Variants in RALGAPA1 observed in about 807,000 individuals in gnomAD.
The protein encoded by RALGAPA1 is ral GTPase-activating protein subunit alpha-1.
A neutral mutation model predicts 269.6 loss-of-function variants in RALGAPA1; 52 were observed. The ratio of observed to expected loss-of-function variants is 0.19; its 90% CI spans 0.15 to 0.24. The LOEUF (loss-of-function observed/expected upper bound fraction) is 0.24. Ranked by LOEUF, RALGAPA1 falls within the 10% of genes least tolerant of loss-of-function variation. RALGAPA1 has a pLI of 1.00. For synonymous variants in RALGAPA1, 817 were observed against 1,008.3 expected (o/e 0.81, Z 3.60); for missense variants, 1,917 against 3,013.9 (o/e 0.64, Z 8.52).
At chr14:35,751,684 G>A (rs1468529432) in intron 8 of RALGAPA1, among the ~76,000 whole-genome samples, 1 of 151,856 alleles carries the variant, frequency 6.6e-6, no homozygotes, top group Non-Finnish European at 1.5e-5. Context: ...GGGAGGCTGA[G>A]ATGGGAGGAC....
chr14:35,549,965 T>C (rs2054826171), intron 39 of RALGAPA1, among the ~76,000 whole-genome samples: 1 of 152,198 alleles, frequency 6.6e-6, no homozygotes, highest in South Asian at 2.1e-4. Flanking sequence ...GCACTGACAC[T>C]GACAGAAAAA....
intron 31 of RALGAPA1, among the ~76,000 whole-genome samples, chr14:35,641,292 G>A (rs770684770): frequency 1.3e-5 from 2 of 152,162 alleles, no homozygotes; most frequent in African/African-American, 4.8e-5. Context: ...TGGAAAGGAA[G>A]ACATCAAATT....
At chr14:35,612,391 A>AAG (rs1333389769) in intron 35 of RALGAPA1, among the ~76,000 whole-genome samples, 1 of 150,764 alleles carries the variant, frequency 6.6e-6, no homozygotes, top group Non-Finnish European at 1.5e-5. Flanking sequence ...AAAAAAAAAA[A>AAG]GAAGTCAGAC....
intron 27 of RALGAPA1, 73 bp from the exon 28 acceptor site, chr14:35,659,269 T>G: frequency 8.6e-7 from 1 of 1,157,094 alleles, no homozygotes; most frequent in Non-Finnish European, 1.3e-6. Flanking sequence ...ATTTATTAAG[T>G]GGTTATTAAA....
chr14:35,726,339 A>G (rs920070431), intron 13 of RALGAPA1, among the ~76,000 whole-genome samples: 1 of 152,374 alleles, frequency 6.6e-6, no homozygotes, highest in African/African-American at 2.4e-5. Context: ...GCTTAGCTAC[A>G]TGAAATAAAA....
chr14:35,668,761 T>C (rs1420710210), intron 26 of RALGAPA1, among the ~76,000 whole-genome samples: 1 of 152,112 alleles, frequency 6.6e-6, no homozygotes, highest in African/African-American at 2.4e-5. Context: ...GCCTCGATTG[T>C]GCCACTGCAC....
At chr14:35,725,520 A>T (rs911017134) in intron 13 of RALGAPA1, among the ~76,000 whole-genome samples, 20 of 152,278 alleles carry the variant, frequency 1.3e-4, no homozygotes, top group African/African-American at 4.3e-4. Context: ...CCCAGATGGA[A>T]TCCAATCAAA....
At chr14:35,584,024 G>A (rs2058115232) in intron 37 of RALGAPA1, among the ~76,000 whole-genome samples, 1 of 152,150 alleles carries the variant, frequency 6.6e-6, no homozygotes, top group Admixed American at 6.5e-5. Context: ...GAAAGGAAGA[G>A]TATGCAGAAT....
intron 1 of RALGAPA1, among the ~76,000 whole-genome samples, chr14:35,792,660 G>A (rs1324452023): frequency 6.6e-6 from 1 of 151,566 alleles, no homozygotes; most frequent in Non-Finnish European, 1.5e-5. Context: ...GTGCATGCCT[G>A]TAATCCCAGC....
chr14:35,736,150 C>T (rs1267239573), intron 12 of RALGAPA1, among the ~76,000 whole-genome samples: 1 of 152,084 alleles, frequency 6.6e-6, no homozygotes, highest in African/African-American at 2.4e-5. Flanking sequence ...AGTGTGTGTG[C>T]TGAGCAGTAG....
chr14:35,631,065 A>AAT (rs1254924661), intron 33 of RALGAPA1, among the ~76,000 whole-genome samples: 7 of 152,266 alleles, frequency 4.6e-5, no homozygotes, highest in African/African-American at 1.7e-4. Flanking sequence ...TATGACAAGA[A>AAT]ATAGGTAGCT....
chr14:35,765,970 CA>C, intron 4 of RALGAPA1: 1 of 1,392,684 alleles, frequency 7.2e-7, no homozygotes, highest in Non-Finnish European at 1.0e-6. Context: ...TGGAGTTATT[CA>C]AAACAATATA....
intron 35 of RALGAPA1, among the ~76,000 whole-genome samples, chr14:35,606,761 A>G (rs1470033105): frequency 1.3e-5 from 2 of 151,824 alleles, no homozygotes; most frequent in Non-Finnish European, 2.9e-5. Flanking sequence ...GGAATTAAAA[A>G]AAAAAAAAAC....
intron 6 of RALGAPA1, among the ~76,000 whole-genome samples, chr14:35,759,625 T>C (rs1346892870): frequency 6.8e-6 from 1 of 146,000 alleles, no homozygotes; most frequent in Non-Finnish European, 1.5e-5. Context: ...GTTAGAAAAA[T>C]CTGGTCGGGT....
intron 16 of RALGAPA1, chr14:35,706,716 C>G (rs1231953471): frequency 6.7e-6 from 1 of 149,132 alleles, no homozygotes; most frequent in Non-Finnish European, 1.5e-5. Flanking sequence ...ACCTCCTGAA[C>G]TTAAGCAATC....
chr14:35,547,852 T>G (rs2054587670), intron 41 of RALGAPA1, among the ~76,000 whole-genome samples: 1 of 152,136 alleles, frequency 6.6e-6, no homozygotes, highest in Admixed American at 6.6e-5. Flanking sequence ...TAATAGCAAT[T>G]TAATGATGAC....
At chr14:35,751,816 A>C (rs902011387) in intron 8 of RALGAPA1, among the ~76,000 whole-genome samples, 8 of 151,170 alleles carry the variant, frequency 5.3e-5, no homozygotes, top group Admixed American at 2.0e-4. Context: ...CAACAACAAA[A>C]AAAAACAAAA....
intron 37 of RALGAPA1, among the ~76,000 whole-genome samples, chr14:35,587,956 G>C (rs1267263576): frequency 6.6e-6 from 1 of 152,104 alleles, no homozygotes; most frequent in Non-Finnish European, 1.5e-5. Flanking sequence ...CACCAGGCTG[G>C]AGTGCAGTGG....
intron 35 of RALGAPA1, among the ~76,000 whole-genome samples, chr14:35,612,693 C>T (rs1400056737): frequency 6.6e-6 from 1 of 151,968 alleles, no homozygotes; most frequent in Non-Finnish European, 1.5e-5. Context: ...CGCCCGCCAC[C>T]ACGCCCCGCT....
Sources: gnomAD v4.1 joint callset for allele counts (sites outside exome capture counted in the v4.1 genomes callset) on GRCh38, gnomAD v4.1.1 for gene constraint, MANE v1.5 for transcripts, NCBI Gene and HGNC (gene_info 2026-07-23, HGNC 2026-07-21) for gene names.